The following LFNG variants were observed in gnomAD, a reference collection of about 807,000 sequenced individuals.
LFNG encodes beta-1,3-N-acetylglucosaminyltransferase lunatic fringe.
A neutral mutation model predicts 32.7 loss-of-function variants in LFNG; 15 were observed. The observed-to-expected ratio is 0.46, with a 90% CI of 0.31 to 0.71. The LOEUF (loss-of-function observed/expected upper bound fraction) is 0.71, where lower values mean the gene tolerates loss of function less well. LFNG is among the 30% of genes least tolerant of loss of function. The probability of loss-of-function intolerance (pLI) is 0.06; values close to 1 mark genes in which losing one functional copy is unlikely to be tolerated. For synonymous variants in LFNG, 274 were observed against 246.8 expected, an observed-to-expected ratio of 1.11 and a Z score of -1.03; for missense variants, 520 against 545.7, an observed-to-expected ratio of 0.95 and a Z score of 0.47.
upstream of LFNG, among the ~76,000 whole-genome samples, chr7:2,519,438 C>G (rs1295355009): frequency 6.6e-6 from 1 of 152,034 alleles, no homozygotes; most frequent in Non-Finnish European, 1.5e-5. Context: ...GCGCCCCTCC[C>G]GTGCCGGGAC....
upstream of LFNG, chr7:2,518,429 G>A (rs992024304): frequency 2.7e-5 from 20 of 733,472 alleles, no homozygotes; most frequent in African/African-American, 1.4e-4. Flanking sequence ...GGCCCCTGGG[G>A]CCCTAAGAGC....
At chr7:2,519,322 A>T (rs1262882084), upstream of LFNG, among the ~76,000 whole-genome samples, 1 of 152,106 alleles carries the variant, frequency 6.6e-6, no homozygotes, top group Admixed American at 6.5e-5. Context: ...AAGGGGAGGA[A>T]GCCGTGCTCA....
At position 2,526,486 on chromosome 7, in the gene LFNG, G is replaced by C; in HGVS notation, c.987+77G>C. 1 of 1,514,420 alleles carries C rather than the reference G, an allele frequency of 6.6e-7. No homozygotes were observed. Among genetic ancestry groups the C allele is most frequent in the Non-Finnish European group, 9.0e-7 (1 of 1,106,716 alleles). The allele number at this position is 1,514,420 out of a possible 1,614,324, so 93.8% of individuals were successfully genotyped here. A position where few individuals can be genotyped will look rare whatever the true frequency, so the allele number is the denominator to read the frequency against. The stretch of plus-strand genomic sequence containing the variant: ...TGTGGCTGCCGAGAGGGGCGCAGTG[G>C]GGTGGGGCACTGTTCTAAACAGGGA... On this transcript the variant is annotated intron_variant, in intron 6 of 7. Transcript: ENST00000222725. This position sits in a 1 kb window ranked among gnomAD's most constrained non-coding sequence, Gnocchi z 6.9.
chr7:2,529,131 CT>C, downstream of LFNG: 2 of 366,812 alleles, frequency 5.5e-6, no homozygotes, highest in Non-Finnish European at 9.7e-6. This position sits in a 1 kb window ranked among gnomAD's most constrained non-coding sequence, Gnocchi z 4.2. Context: ...GATCCAGACG[CT>C]TGTTTTTTAA....
rs931678252 is a variant in LFNG, at chr7:2,528,057, G to GT, written c.*851dup. 1.2e-6 allele frequency: 1 copy of GT among 864,976 alleles called. No individual in the cohort carries two copies. Among genetic ancestry groups the GT allele is most frequent in the African/African-American group, 2.3e-5 (1 of 42,746 alleles). 53.6% of individuals were successfully genotyped at this position (864,976 alleles called of 1,614,324 possible). ...GATGGGTAAAAAGTAGGGTGTTCTT[G>GT]TTTTTTGCTTGGGAGGGTGGGGGTG... On this transcript the variant is annotated 3_prime_UTR_variant, in exon 8 of 8. Transcript: ENST00000222725.
chr7:2,524,638 A>C, intron 1 of LFNG, 57 bp from the exon 2 acceptor site: 1 of 1,521,652 alleles, frequency 6.6e-7, no homozygotes, highest in Non-Finnish European at 8.9e-7. Flanking sequence ...GCCCCCACAG[A>C]TGGCCCTGGG....
chr7:2,521,604 G>A (rs1562552183), intron 1 of LFNG, among the ~76,000 whole-genome samples: 1 of 152,092 alleles, frequency 6.6e-6, no homozygotes, highest in Non-Finnish European at 1.5e-5. Context: ...CCTGAGCCTG[G>A]CCCCCCCACC....
At position 2,520,111 on chromosome 7, in the gene LFNG, GCGCGCAGAGATGCGGGCCCGC is replaced by G; in HGVS notation, c.254_274del (p.Arg85_Pro91del). On this transcript the variant is annotated inframe_deletion, in exon 1 of 8. Coordinates refer to ENST00000222725, the MANE Select transcript of LFNG (RefSeq NM_001040167.2). The surrounding 1 kb of genome is among the most constrained non-coding windows in gnomAD (Gnocchi z 5.0). Reference sequence around the variant, plus strand: ...CGAGTACTTCAGCCTGCTCACCCGCGCGCGCAGAGATGCGGGCCCGCCGCCCGGGGCTGCCCCCCGCCCCGC... The same window carrying G: ...CGAGTACTTCAGCCTGCTCACCCGCGCGCCCGGGGCTGCCCCCCGCCCCGC... 1 of 1,348,622 alleles carries G rather than the reference GCGCGCAGAGATGCGGGCCCGC, an allele frequency of 7.4e-7. No individual in the cohort carries two copies. The highest frequency in any genetic ancestry group is 9.6e-7 in the Non-Finnish European group (1 of 1,040,152). The allele number at this position is 1,348,622 out of a possible 1,614,324, so 83.5% of individuals were successfully genotyped here.
intron 1 of LFNG, chr7:2,512,714 G>A: frequency 1.2e-6 from 2 of 1,613,392 alleles, no homozygotes; most frequent in South Asian, 1.1e-5. Context: ...GGGCCTCAGG[G>A]TTGCTTTTCC....
upstream of LFNG, among the ~76,000 whole-genome samples, chr7:2,518,998 C>G (rs556129482): frequency 1.3e-5 from 2 of 152,260 alleles, no homozygotes; most frequent in South Asian, 2.1e-4. Context: ...GCATCTGGCC[C>G]GAGCGCAAGG....
intron 1 of LFNG, among the ~76,000 whole-genome samples, chr7:2,521,435 G>A (rs1779789298): frequency 6.6e-6 from 1 of 152,234 alleles, no homozygotes; most frequent in African/African-American, 2.4e-5. Context: ...AGGTAACAAA[G>A]CCCCTTTCTC....
rs538971915 is a variant in LFNG at position 2,525,367 on chromosome 7, C to T, written c.582-47C>T. The T allele has an allele frequency of 4.9e-5, 79 of 1,611,650 alleles. No homozygotes were observed. The Middle Eastern group carries it at 5.0e-4, about 10-fold the overall frequency. ...CCATCTCCCTGCCCGAGCCTGGCAGCGCCCGCCCCGGCATGCCCTCCCCCG... is the reference window on the plus strand; with the variant it reads ...CCATCTCCCTGCCCGAGCCTGGCAGTGCCCGCCCCGGCATGCCCTCCCCCG... On this transcript the variant is annotated intron_variant, in intron 3 of 7. Transcript: ENST00000222725.
At chr7:2,524,176 G>T (rs996137969) in intron 1 of LFNG, among the ~76,000 whole-genome samples, 2 of 152,172 alleles carry the variant, frequency 1.3e-5, no homozygotes, top group African/African-American at 4.8e-5. Context: ...CTTGGCAGCC[G>T]CCCAGCGAAG....
upstream of LFNG, chr7:2,518,024 C>A: frequency 1.5e-6 from 1 of 684,458 alleles, no homozygotes; most frequent in Non-Finnish European, 1.9e-6. Flanking sequence ...GATGAGGCTC[C>A]GTCTCTGAAA....
intron 2 of LFNG, 51 bp downstream of exon 2, chr7:2,524,794 G>A (rs755166456): frequency 4.7e-5 from 70 of 1,492,480 alleles, no homozygotes; most frequent in Admixed American, 1.2e-4. Flanking sequence ...ATCCAGAGCC[G>A]AACGCTCCCC....
At chr7:2,518,059 A>G (rs542540946), upstream of LFNG, 43 of 438,838 alleles carry the variant, frequency 9.8e-5, no homozygotes, top group Middle Eastern at 9.2e-4. Context: ...GAGAGCCTGA[A>G]GTCAGCGGTG....
chr7:2,523,041 C>T (rs1779837919), intron 1 of LFNG, among the ~76,000 whole-genome samples: 1 of 152,224 alleles, frequency 6.6e-6, no homozygotes, highest in African/African-American at 2.4e-5. Context: ...CTCCCTGCTC[C>T]CTGAGCTGAA....
At chr7:2,524,524 C>T in intron 1 of LFNG, 171 bp from the exon 2 acceptor site, 1 of 688,206 alleles carries the variant, frequency 1.5e-6, no homozygotes, top group Non-Finnish European at 2.7e-6. Flanking sequence ...TGAGATGGGG[C>T]ACTTGAGCCC....
Position 2,525,669 on chromosome 7 carries a change from T to G in LFNG, c.736-16T>G. The G allele has an allele frequency of 6.2e-7, 1 of 1,612,306 alleles. No homozygotes were observed. The highest frequency in any genetic ancestry group is 8.5e-7 in the Non-Finnish European group (1 of 1,179,224). ...AGCAGCGCCTGGGTCTCAGGACACC[T>G]TCTCCCTTCTCCCAGCGTCCTGTCC... On this transcript the variant is annotated splice_polypyrimidine_tract_variant and intron_variant, in intron 4 of 7. Transcript: ENST00000222725.
Sources: allele counts gnomAD v4.1 joint callset (sites outside exome capture counted in the v4.1 genomes callset), GRCh38; gene constraint gnomAD v4.1.1; non-coding constraint Gnocchi (gnomAD v3.1); transcripts MANE v1.5; gene names NCBI Gene and HGNC (gene_info 2026-07-23, HGNC 2026-07-21).